Variants in FBN1 observed in about 807,000 individuals in gnomAD.
The protein encoded by FBN1 is fibrillin-1.
A neutral mutation model predicts 365.1 loss-of-function variants in FBN1; 29 were observed. The ratio of observed to expected loss-of-function variants is 0.08; its 90% CI spans 0.06 to 0.11. The LOEUF is 0.11. FBN1 is among the 10% of genes least tolerant of loss of function. FBN1 has a pLI of 1.00. For missense variants in FBN1, 2,476 were observed against 3,703.2 expected, an observed-to-expected ratio of 0.67 and a Z score of 8.60; for synonymous variants, 1,210 against 1,270.5, an observed-to-expected ratio of 0.95 and a Z score of 1.01.
chr15:48,536,429 G>A (rs950192300), intron 7 of FBN1, among the ~76,000 whole-genome samples: 1 of 152,032 alleles, frequency 6.6e-6, no homozygotes, highest in Non-Finnish European at 1.5e-5. Flanking sequence ...CTAGCTCTCT[G>A]GTCACTGTCA....
intron 35 of FBN1, among the ~76,000 whole-genome samples, chr15:48,471,767 C>T (rs1049470050): frequency 4.6e-5 from 7 of 152,210 alleles, no homozygotes; most frequent in African/African-American, 1.7e-4. Context: ...CTTCTACTGA[C>T]AATCGTTATC....
At chr15:48,447,578 G>T (rs2043169655) in intron 46 of FBN1, among the ~76,000 whole-genome samples, 1 of 152,212 alleles carries the variant, frequency 6.6e-6, no homozygotes, top group African/African-American at 2.4e-5. Context: ...ATTATATTAA[G>T]GAGGAAGTAA....
At chr15:48,429,750 A>G (rs181945124) in intron 56 of FBN1, among the ~76,000 whole-genome samples, 24 of 152,356 alleles carry the variant, frequency 1.6e-4, no homozygotes, top group African/African-American at 5.8e-4. Context: ...GTGCTTTTAG[A>G]ATCTGTTCTT....
At chr15:48,568,856 G>C (rs2044281938) in intron 6 of FBN1, among the ~76,000 whole-genome samples, 1 of 151,944 alleles carries the variant, frequency 6.6e-6, no homozygotes, top group Non-Finnish European at 1.5e-5. Context: ...ATGGATCACA[G>C]ACTTAAATAT....
At position 48,495,595 on chromosome 15, in the gene FBN1, C is replaced by A. The variant is rs1239106068; in HGVS notation, c.2420-7G>T. The A allele has an allele frequency of 6.2e-7, 1 of 1,614,004 alleles. No homozygotes were observed. Among genetic ancestry groups the A allele is most frequent in the Admixed American group, 1.7e-5 (1 of 60,004 alleles). On this transcript the variant is annotated splice_polypyrimidine_tract_variant and splice_region_variant and intron_variant, in intron 20 of 65. Coordinates refer to ENST00000316623, the MANE Select transcript of FBN1 (RefSeq NM_000138.5). ...GATTCGCATTCATCAATGTCTGAAA[C>A]AAAAACAGGTCTACATTACTGCTAA...
chr15:48,573,306 A>G (rs1252033162), intron 6 of FBN1, among the ~76,000 whole-genome samples: 6 of 152,206 alleles, frequency 3.9e-5, no homozygotes, highest in South Asian at 2.1e-4. Context: ...TTGGAACTTC[A>G]TATCTATAAC....
At chr15:48,475,015 A>T (rs1408971095) in intron 32 of FBN1, among the ~76,000 whole-genome samples, 1 of 152,120 alleles carries the variant, frequency 6.6e-6, no homozygotes. Context: ...TAGTAAGTCA[A>T]CTATGGAGTA....
intron 4 of FBN1, among the ~76,000 whole-genome samples, chr15:48,602,828 G>A (rs911338402): frequency 2.0e-5 from 3 of 152,168 alleles, no homozygotes; most frequent in African/African-American, 7.2e-5. Context: ...ATGAAAAGGT[G>A]TATAGTTGCT....
At chr15:48,443,239 C>A (rs1188727527) in intron 49 of FBN1, among the ~76,000 whole-genome samples, 1 of 152,122 alleles carries the variant, frequency 6.6e-6, no homozygotes, top group Non-Finnish European at 1.5e-5. Flanking sequence ...ACTCCTTCCA[C>A]CCCTATATCC....
chr15:48,481,415 T>G (rs1842998339), intron 32 of FBN1, among the ~76,000 whole-genome samples: 1 of 152,180 alleles, frequency 6.6e-6, no homozygotes, highest in African/African-American at 2.4e-5. Flanking sequence ...CTATTTACAG[T>G]GTTAATTTAT....
intron 16 of FBN1, 27 bp downstream of exon 16, chr15:48,504,998 A>C: frequency 6.2e-7 from 1 of 1,614,054 alleles, no homozygotes. Flanking sequence ...AACCTCTCTC[A>C]TAAGGTTAGC....
chr15:48,515,450 G>A lies in FBN1; in HGVS notation c.1405C>T (p.Pro469Ser). The change falls in exon 12 of 66, where the codon CCT becomes TCT. Residue 469 changes from proline to serine, a missense_variant. Around this residue, in one of 5 missense-constraint regions of FBN1, gnomAD observed 421 missense variants for 520.1 expected, o/e 0.81. Coordinates refer to ENST00000316623, the MANE Select transcript of FBN1 (RefSeq NM_000138.5). ...LCQNGRCIPT[P>S]GSYRCECNKG... ...TTGCACTCACACCGGTAACTCCCAGGAGTTGGAATGCAGCGTCCATTTTGA... is the reference window on the plus strand; with the variant it reads ...TTGCACTCACACCGGTAACTCCCAGAAGTTGGAATGCAGCGTCCATTTTGA... The A allele has an allele frequency of 6.2e-7, 1 of 1,613,992 alleles. No homozygotes were observed. The highest frequency in any genetic ancestry group is 8.5e-7 in the Non-Finnish European group (1 of 1,179,926).
At chr15:48,517,484 TG>T (rs1235241588) in intron 10 of FBN1, among the ~76,000 whole-genome samples, 2 of 152,376 alleles carry the variant, frequency 1.3e-5, no homozygotes, top group Admixed American at 1.3e-4. Flanking sequence ...GAGGACATCC[TG>T]ACTTCATCAT....
At chr15:48,421,428 A>G (rs927031510) in intron 62 of FBN1, 130 bp downstream of exon 62, 20 of 1,097,844 alleles carry the variant, frequency 1.8e-5, no homozygotes, top group Non-Finnish European at 2.3e-5. Context: ...TGTGCACACT[A>G]TTTTAGCTGA....
At chr15:48,618,414 T>C (rs1490697061) in intron 2 of FBN1, among the ~76,000 whole-genome samples, 2 of 152,202 alleles carry the variant, frequency 1.3e-5, no homozygotes, top group African/African-American at 2.4e-5. Flanking sequence ...AACGAACCTT[T>C]CAAATATTCC....
At chr15:48,547,208 C>T (rs1413793820) in intron 6 of FBN1, among the ~76,000 whole-genome samples, 1 of 152,102 alleles carries the variant, frequency 6.6e-6, no homozygotes, top group Non-Finnish European at 1.5e-5. Flanking sequence ...CTATCATATT[C>T]AGACATTTAT....
chr15:48,634,301 A>T (rs189318796), intron 2 of FBN1, among the ~76,000 whole-genome samples: 199 of 152,312 alleles, frequency 1.3e-3, no homozygotes, highest in African/African-American at 4.6e-3. Flanking sequence ...CATTCCTCTA[A>T]ATGTTTTCAT....
rs181014177 is a variant in FBN1 at position 48,582,979 on chromosome 15, T to C, written c.538+13304A>G. Among the ~76,000 whole-genome samples, 204 of 152,350 alleles carry C rather than the reference T, an allele frequency of 1.3e-3. 3 individuals are homozygous for C. The highest frequency in any genetic ancestry group is 2.2e-4 in the Non-Finnish European group (15 of 68,040). ...TGGTCAGCCGGAGCCATCAAACTTC[T>C]AATGTGCTATAGAAAAATGTACAGA... is the stretch of plus-strand genomic sequence containing the variant. On this transcript the variant is annotated intron_variant, in intron 6 of 65. Transcript: ENST00000316623.
chr15:48,451,801 T>A (rs779491234), intron 45 of FBN1, among the ~76,000 whole-genome samples: 42 of 152,212 alleles, frequency 2.8e-4, no homozygotes, highest in Non-Finnish European at 4.7e-4. Flanking sequence ...TCTGAGATAT[T>A]ATTTTGTTTC....
Sources: allele counts gnomAD v4.1 joint callset (sites outside exome capture counted in the v4.1 genomes callset), GRCh38; gene constraint gnomAD v4.1.1; regional missense constraint gnomAD v4.1.1; transcripts MANE v1.5; gene names NCBI Gene and HGNC (gene_info 2026-07-23, HGNC 2026-07-21).